The following ASB5 variants were observed in gnomAD, a reference collection of about 807,000 sequenced individuals.
The protein encoded by ASB5 is ankyrin repeat and SOCS box protein 5.
A neutral mutation model predicts 42.1 loss-of-function variants in ASB5; 45 were observed. The observed-to-expected ratio is 1.07, with a 90% CI of 0.84 to 1.37. The LOEUF (loss-of-function observed/expected upper bound fraction) is 1.37, where lower values mean the gene tolerates loss of function less well. Ranked by LOEUF, ASB5 falls within the 40% of genes most tolerant of loss-of-function variation. The pLI is 0.00. For missense variants in ASB5, 402 were observed against 399.8 expected, an observed-to-expected ratio of 1.01 and a Z score of -0.05; for synonymous variants, 147 against 150.6, an observed-to-expected ratio of 0.98 and a Z score of 0.18.
At chr4:176,240,376 C>T (rs2126962590) in intron 1 of ASB5, among the ~76,000 whole-genome samples, 1 of 152,182 alleles carries the variant, frequency 6.6e-6, no homozygotes, top group South Asian at 2.1e-4. Flanking sequence ...TATTGTATTT[C>T]CATTTTAACC....
intron 1 of ASB5, among the ~76,000 whole-genome samples, chr4:176,250,064 CAAAA>C (rs5864368): frequency 0.68 from 86,116 of 126,534 alleles, 27,167 homozygotes; most frequent in Middle Eastern, 0.75. Flanking sequence ...GACTCCATCT[CAAAA>C]AAAAAAAAAA....
At chr4:176,225,439 T>C in intron 1 of ASB5, 98 bp from the exon 2 acceptor site, 1 of 1,026,166 alleles carries the variant, frequency 9.7e-7, no homozygotes, top group Non-Finnish European at 1.5e-6. Context: ...CATAAATTAT[T>C]CACACTCAGT....
At chr4:176,235,628 T>C (rs1753665992) in intron 1 of ASB5, among the ~76,000 whole-genome samples, 1 of 152,180 alleles carries the variant, frequency 6.6e-6, no homozygotes, top group East Asian at 1.9e-4. Flanking sequence ...GGAAATCAAA[T>C]ATTATTACTT....
intron 1 of ASB5, among the ~76,000 whole-genome samples, chr4:176,247,096 A>G (rs1222653356): frequency 1.3e-5 from 2 of 152,178 alleles, no homozygotes; most frequent in Non-Finnish European, 2.9e-5. Flanking sequence ...TATTTATGGT[A>G]GCATAAAACA....
intron 1 of ASB5, among the ~76,000 whole-genome samples, chr4:176,242,227 C>A (rs1753825896): frequency 6.6e-6 from 1 of 152,172 alleles, no homozygotes; most frequent in Non-Finnish European, 1.5e-5. Context: ...CAAGCTGACA[C>A]AACACGGAGC....
chr4:176,246,936 TA>T (rs202087884), intron 1 of ASB5, among the ~76,000 whole-genome samples: 2,048 of 152,188 alleles, frequency 0.013, 44 homozygotes, highest in African/African-American at 0.047. Context: ...ACTTTTCACA[TA>T]AAAAATCCCT....
intron 1 of ASB5, among the ~76,000 whole-genome samples, chr4:176,252,089 A>G (rs1754051797): frequency 6.6e-6 from 1 of 151,422 alleles, no homozygotes; most frequent in South Asian, 2.1e-4. Context: ...AAAAAGAAAA[A>G]AAAAAAAAGA....
chr4:176,251,915 A>C (rs1754045103), intron 1 of ASB5, among the ~76,000 whole-genome samples: 1 of 151,446 alleles, frequency 6.6e-6, no homozygotes, highest in African/African-American at 2.4e-5. Flanking sequence ...AAAATACAAA[A>C]ATTAGCCAGG....
intron 1 of ASB5, among the ~76,000 whole-genome samples, chr4:176,245,391 G>T (rs1298607838): frequency 2.0e-5 from 3 of 152,156 alleles, no homozygotes; most frequent in African/African-American, 7.2e-5. Flanking sequence ...AAAAAGTCAG[G>T]AAACAACAGG....
chr4:176,237,054 ACAAAC>A (rs889717064), intron 1 of ASB5, among the ~76,000 whole-genome samples: 6 of 152,188 alleles, frequency 3.9e-5, no homozygotes, highest in African/African-American at 1.4e-4. Context: ...AGAAAGGTAA[ACAAAC>A]CAGAGTCTAA....
chr4:176,233,367 T>G (rs1239965681), intron 1 of ASB5, among the ~76,000 whole-genome samples: 5 of 152,224 alleles, frequency 3.3e-5, no homozygotes, highest in Non-Finnish European at 5.9e-5. Context: ...CGCTGATCTC[T>G]CCCACAAATT....
exon 1 of ASB5, chr4:176,277,519 C>G (rs1171488787): frequency 1.3e-5 from 2 of 152,022 alleles, no homozygotes; most frequent in African/African-American, 4.8e-5. Flanking sequence ...ACCAGAATGT[C>G]AAATCAATAA....
chr4:176,220,416 A>T (rs2126943285), intron 5 of ASB5, among the ~76,000 whole-genome samples: 1 of 152,310 alleles, frequency 6.6e-6, no homozygotes, highest in Admixed American at 6.5e-5. Context: ...AATAGCATAG[A>T]ACTCCATTTA....
At chr4:176,238,651 A>G (rs1218515235) in intron 1 of ASB5, among the ~76,000 whole-genome samples, 2 of 152,158 alleles carry the variant, frequency 1.3e-5, no homozygotes, top group Non-Finnish European at 2.9e-5. Flanking sequence ...TCTGTTATCT[A>G]TCTTTTTTTC....
intron 1 of ASB5, among the ~76,000 whole-genome samples, chr4:176,239,896 A>T (rs1257337683): frequency 6.6e-6 from 1 of 152,196 alleles, no homozygotes; most frequent in Non-Finnish European, 1.5e-5. Context: ...TTTAAAAATG[A>T]CTCCATGGAA....
chr4:176,221,453 T>C lies in ASB5; in HGVS notation c.532A>G (p.Lys178Glu), dbSNP rs537762433. Residue 178 changes from lysine to glutamate, a missense_variant, in exon 4 of 7, where the codon AAA becomes GAA. Transcript: ENST00000296525. ...CTTAATCCCAGAACTAAGTTACCTTTACTGGCGGCCTCATGCGTTGGGGAT... is the reference window on the plus strand; with the variant it reads ...CTTAATCCCAGAACTAAGTTACCTTCACTGGCGGCCTCATGCGTTGGGGAT... ...LPSPTHEAAS[K>E]GHHECLDILI... is the part of the protein sequence containing the mutation. The C allele has an allele frequency of 6.2e-7, 1 of 1,613,178 alleles. No homozygotes were observed. Among genetic ancestry groups the C allele is most frequent in the East Asian group, 2.2e-5 (1 of 44,892 alleles).
chr4:176,216,939 T>A lies in ASB5; in HGVS notation c.741A>T (p.Glu247Asp). The change falls in exon 6 of 7, where the codon GAA (glutamate) becomes GAT (aspartate). Residue 247 changes from glutamate (E) to aspartate (D), a missense_variant. By Grantham distance (45) the Glu-to-Asp change is conservative. Transcript: ENST00000296525. ...CAAATTCTAGCAGTAAGTTTACAAT[T>A]TCTGTGCTGGATTGTTGAGCAGCAG... ...LHAAAQQSST[E>D]IVNLLLEFGA... 1 of 1,614,044 alleles carries A rather than the reference T, an allele frequency of 6.2e-7. No homozygotes were observed. The highest frequency in any genetic ancestry group is 8.5e-7 in the Non-Finnish European group (1 of 1,179,958).
intron 1 of ASB5, among the ~76,000 whole-genome samples, chr4:176,244,953 T>C (rs1012996791): frequency 5.3e-5 from 8 of 152,032 alleles, no homozygotes; most frequent in African/African-American, 1.7e-4. Context: ...ACAGAGATCC[T>C]ATCTCAACAA....
intron 2 of ASB5, among the ~76,000 whole-genome samples, chr4:176,225,050 A>T (rs1023981045): frequency 1.3e-5 from 2 of 152,218 alleles, no homozygotes; most frequent in African/African-American, 2.4e-5. Flanking sequence ...CTGTCTGAGA[A>T]ATCTGAAATA....
Sources: gnomAD v4.1 joint callset for allele counts (sites outside exome capture counted in the v4.1 genomes callset) on GRCh38, gnomAD v4.1.1 for gene constraint, MANE v1.5 for transcripts, NCBI Gene and HGNC (gene_info 2026-07-23, HGNC 2026-07-21) for gene names.